MAGI2: variants seen among roughly 807,000 people sequenced by gnomAD.
MAGI2 encodes the protein membrane-associated guanylate kinase, WW and PDZ domain-containing protein 2.
Under a neutral mutation model 133.3 loss-of-function variants are expected in MAGI2, and 35 were observed. The ratio of observed to expected loss-of-function variants is 0.26; its 90% CI spans 0.20 to 0.35. The LOEUF is 0.35. Ranked by LOEUF, MAGI2 falls within the 10% of genes least tolerant of loss-of-function variation. The pLI, the probability that MAGI2 is intolerant of heterozygous loss-of-function variation, is 1.00. For missense variants in MAGI2, 1,636 were observed against 1,863.4 expected (o/e 0.88, Z 2.25); for synonymous variants, 729 against 710.6 (o/e 1.03, Z -0.41).
At chr7:79,116,259 CCATAA>C (rs1387139967) in intron 1 of MAGI2, among the ~76,000 whole-genome samples, 1 of 152,152 alleles carries the variant, frequency 6.6e-6, no homozygotes, top group Non-Finnish European at 1.5e-5. Context: ...GCTAAGGCTC[CCATAA>C]CATCTCATCC....
At chr7:79,022,587 G>T (rs147481062) in intron 1 of MAGI2, among the ~76,000 whole-genome samples, 234 of 124,092 alleles carry the variant, frequency 1.9e-3, no homozygotes, top group African/African-American at 6.4e-3. Flanking sequence ...TTCTTTGAAA[G>T]AATTAATAAG....
chr7:78,893,419 A>G (rs1796934338), intron 2 of MAGI2, among the ~76,000 whole-genome samples: 2 of 152,202 alleles, frequency 1.3e-5, no homozygotes, highest in Admixed American at 1.3e-4. Flanking sequence ...TGCTATAAAG[A>G]CACAGGCACA....
chr7:78,151,583 T>G (rs1823877834), intron 16 of MAGI2, among the ~76,000 whole-genome samples: 1 of 152,158 alleles, frequency 6.6e-6, no homozygotes, highest in Non-Finnish European at 1.5e-5. Context: ...CCTGACTTGT[T>G]AGGGTGCTCT....
At chr7:78,430,765 G>A (rs368188113) in intron 6 of MAGI2, among the ~76,000 whole-genome samples, 7 of 152,072 alleles carry the variant, frequency 4.6e-5, no homozygotes, top group Middle Eastern at 3.4e-3. Flanking sequence ...AGTCCTTTAC[G>A]TCTTGAAATC....
intron 1 of MAGI2, among the ~76,000 whole-genome samples, chr7:79,438,491 C>T (rs1848291502): frequency 6.6e-6 from 1 of 152,104 alleles, no homozygotes; most frequent in Non-Finnish European, 1.5e-5. Flanking sequence ...AAATAGCATG[C>T]TACTACTTCT....
intron 1 of MAGI2, among the ~76,000 whole-genome samples, chr7:79,086,023 A>T (rs1032838701): frequency 6.6e-6 from 1 of 151,554 alleles, no homozygotes; most frequent in African/African-American, 2.4e-5. Context: ...GGCTTCCAAG[A>T]CTCCCATTTA....
chr7:79,274,482 C>T (rs988537962), intron 1 of MAGI2, among the ~76,000 whole-genome samples: 5 of 151,918 alleles, frequency 3.3e-5, no homozygotes, highest in Admixed American at 3.3e-4. Context: ...ACATGGTTTT[C>T]CGTGAGGAAC....
intron 3 of MAGI2, among the ~76,000 whole-genome samples, chr7:78,557,097 A>ATAAAG: frequency 7.2e-6 from 1 of 138,960 alleles, no homozygotes; most frequent in South Asian, 2.3e-4. Flanking sequence ...AAAAAAAAAA[A>ATAAAG]AAAGAAAAAG....
intron 2 of MAGI2, among the ~76,000 whole-genome samples, chr7:78,736,276 GA>G (rs1365177607): frequency 1.3e-5 from 2 of 151,972 alleles, no homozygotes; most frequent in Non-Finnish European, 2.9e-5. Flanking sequence ...TTCTATAAAA[GA>G]AACTTAGAGA....
chr7:78,489,900 T>TAAA, intron 5 of MAGI2, 60 bp from the exon 6 acceptor site: 1 of 1,182,310 alleles, frequency 8.5e-7, no homozygotes, highest in Admixed American at 3.1e-5. Context: ...AGTTTATTCC[T>TAAA]TAAGAAAAAA....
intron 3 of MAGI2, among the ~76,000 whole-genome samples, chr7:78,582,094 C>G (rs193157371): frequency 2.6e-4 from 40 of 152,306 alleles, no homozygotes; most frequent in Admixed American, 2.3e-3. Flanking sequence ...CTGTTGTTTT[C>G]TCAGATGCAA....
intron 1 of MAGI2, among the ~76,000 whole-genome samples, chr7:79,327,752 T>C (rs1233084112): frequency 2.0e-5 from 3 of 152,042 alleles, no homozygotes; most frequent in Non-Finnish European, 4.4e-5. Flanking sequence ...ACTCTTTAGA[T>C]GGAATTTGTA....
At chr7:78,739,966 G>A (rs1315876883) in intron 2 of MAGI2, among the ~76,000 whole-genome samples, 1 of 152,096 alleles carries the variant, frequency 6.6e-6, no homozygotes, top group Non-Finnish European at 1.5e-5. Context: ...AGACCATCCT[G>A]GCTAACACGG....
intron 2 of MAGI2, among the ~76,000 whole-genome samples, chr7:78,669,091 A>G (rs924414549): frequency 6.6e-6 from 1 of 152,170 alleles, no homozygotes; most frequent in Non-Finnish European, 1.5e-5. Context: ...TGAAGCAAAT[A>G]GAGACACAAA....
At chr7:78,049,012 G>T (rs185267998) in intron 21 of MAGI2, among the ~76,000 whole-genome samples, 1 of 151,718 alleles carries the variant, frequency 6.6e-6, no homozygotes, top group East Asian at 1.9e-4. Context: ...GGAGGCTGAG[G>T]CAGGGGAATC....
intron 7 of MAGI2, among the ~76,000 whole-genome samples, chr7:78,349,650 C>T (rs2151200313): frequency 6.6e-6 from 1 of 152,244 alleles, no homozygotes. Context: ...CCTTGGACCC[C>T]ACAGACAGCA....
chr7:79,275,314 T>C (rs1460081562), intron 1 of MAGI2, among the ~76,000 whole-genome samples: 1 of 152,132 alleles, frequency 6.6e-6, no homozygotes, highest in Non-Finnish European at 1.5e-5. Context: ...TTTGATAATA[T>C]GGAGAAAGTA....
chr7:78,750,496 T>C (rs1354180751), intron 2 of MAGI2, among the ~76,000 whole-genome samples: 1 of 152,216 alleles, frequency 6.6e-6, no homozygotes, highest in East Asian at 1.9e-4. Flanking sequence ...ACTAACGAAT[T>C]GACAGCAATT....
At chr7:78,363,510 TGA>T (rs1491165188) in intron 7 of MAGI2, among the ~76,000 whole-genome samples, 1 of 104,374 alleles carries the variant, frequency 9.6e-6, no homozygotes, top group Non-Finnish European at 2.2e-5. Context: ...ATAATAATAA[TGA>T]TAATAATAAT....
Sources: allele counts gnomAD v4.1 joint callset (sites outside exome capture counted in the v4.1 genomes callset), GRCh38; gene constraint gnomAD v4.1.1; transcripts MANE v1.5; gene names NCBI Gene and HGNC (gene_info 2026-07-23, HGNC 2026-07-21).